Variants in IKBKB observed in about 807,000 individuals in gnomAD.
IKBKB encodes inhibitor of nuclear factor kappa-B kinase subunit beta.
IKBKB carries 42 observed loss-of-function variants against 113.6 expected under a neutral mutation model. The observed-to-expected ratio is 0.37, with a 90% confidence interval of 0.29 to 0.48. IKBKB has a LOEUF of 0.48. Among genes scored for constraint, IKBKB ranks in the 20% least tolerant of loss-of-function variants. The pLI is 0.99. For missense variants in IKBKB, 673 were observed against 939.7 expected (o/e 0.72, Z 3.71); for synonymous variants, 296 against 361.3 (o/e 0.82, Z 2.05).
chr8:42,308,755 C>G, intron 7 of IKBKB, 146 bp from the exon 8 acceptor site: 1 of 694,594 alleles, frequency 1.4e-6, no homozygotes, highest in Non-Finnish European at 2.5e-6. Context: ...GCTAAACATG[C>G]CTGGGGTGCC....
intron 2 of IKBKB, among the ~76,000 whole-genome samples, chr8:42,286,480 T>TTTTTTG (rs970188209): frequency 1.1e-4 from 16 of 152,244 alleles, no homozygotes; most frequent in South Asian, 6.2e-4. Context: ...CTGTGTGTCT[T>TTTTTTG]TTTTTGTTTT....
At chr8:42,284,599 A>T (rs1260370216) in intron 2 of IKBKB, among the ~76,000 whole-genome samples, 2 of 151,114 alleles carry the variant, frequency 1.3e-5, no homozygotes, top group Admixed American at 6.6e-5. Context: ...AAAAAAAAAT[A>T]CCGAGGTGAT....
intron 5 of IKBKB, among the ~76,000 whole-genome samples, chr8:42,294,681 A>G (rs552775649): frequency 6.6e-6 from 1 of 152,364 alleles, no homozygotes; most frequent in South Asian, 2.1e-4. Context: ...GTTCACATGG[A>G]GGATACGTTG....
chr8:42,292,533 G>A (rs913963174), intron 4 of IKBKB, among the ~76,000 whole-genome samples: 5 of 152,162 alleles, frequency 3.3e-5, no homozygotes, highest in African/African-American at 7.2e-5. Context: ...TAATACACCC[G>A]TGGGCATGGA....
In IKBKB at chr8:42,312,489, A is replaced by T. The variant is rs565223114; in HGVS notation, c.693-1833A>T. Among the ~76,000 whole-genome samples the T allele has an allele frequency of 2.6e-5, 4 of 152,326 alleles. No individual in the cohort carries two copies. The East Asian group carries it at 7.7e-4, about 29-fold the overall frequency. ...TAATGCTTTGGGAAACTTTTAAAAA[A>T]TTTCACTATCTTATCTCAGATGGCA... On this transcript the variant is annotated intron_variant, in intron 8 of 21. Coordinates refer to ENST00000520810, the MANE Select transcript of IKBKB (RefSeq NM_001556.3).
Position 42,308,882 on chromosome 8 carries a change from C to A in IKBKB, c.568-19C>A, listed in dbSNP as rs200334885. 2.7e-4 allele frequency: 435 copies of A among 1,612,400 alleles called. 3 individuals are homozygous for A. The highest frequency in any genetic ancestry group is 1.2e-3 in the Middle Eastern group (7 of 6,056). On this transcript the variant is annotated intron_variant, in intron 7 of 21. Coordinates refer to ENST00000520810, the MANE Select transcript of IKBKB (RefSeq NM_001556.3). ...CCCAGAGAGGAGCAGCTCAGGTGTACCCCCTCCTGTTGCTGCAGGCCCCAG... is the reference window on the plus strand; with the variant it reads ...CCCAGAGAGGAGCAGCTCAGGTGTAACCCCTCCTGTTGCTGCAGGCCCCAG...
intron 2 of IKBKB, among the ~76,000 whole-genome samples, chr8:42,274,978 G>A (rs1009996309): frequency 2.0e-4 from 30 of 151,852 alleles, no homozygotes; most frequent in Non-Finnish European, 4.1e-4. Context: ...CCAGGTTCAA[G>A]CGATTCTCCA....
intron 7 of IKBKB, 89 bp from the exon 8 acceptor site, chr8:42,308,812 G>A: frequency 7.7e-7 from 1 of 1,307,082 alleles, no homozygotes; most frequent in Admixed American, 1.9e-5. Flanking sequence ...GATGAAGCCA[G>A]GGGTGAAAGC....
chr8:42,312,032 G>A (rs990876717), intron 8 of IKBKB, among the ~76,000 whole-genome samples: 6 of 152,008 alleles, frequency 3.9e-5, no homozygotes, highest in African/African-American at 7.2e-5. Context: ...GACTACAGGC[G>A]CCCGCCACCA....
chr8:42,278,355 T>C (rs1309156888), intron 2 of IKBKB, among the ~76,000 whole-genome samples: 1 of 152,080 alleles, frequency 6.6e-6, no homozygotes, highest in African/African-American at 2.4e-5. Flanking sequence ...GAGGTTTTGT[T>C]TTGATGGAGG....
intron 20 of IKBKB, among the ~76,000 whole-genome samples, chr8:42,327,386 T>C (rs1023956853): frequency 7.1e-6 from 1 of 140,646 alleles, no homozygotes; most frequent in Non-Finnish European, 1.5e-5. Context: ...CAGGCTGGAG[T>C]GCAGTGGCGC....
intron 2 of IKBKB, among the ~76,000 whole-genome samples, chr8:42,276,351 G>T (rs902932363): frequency 6.6e-6 from 1 of 152,144 alleles, no homozygotes; most frequent in Non-Finnish European, 1.5e-5. Flanking sequence ...TAGTGATATT[G>T]AACATTTTAT....
At chr8:42,329,891 A>G in intron 21 of IKBKB, 1 of 985,440 alleles carries the variant, frequency 1.0e-6, no homozygotes, top group Non-Finnish European at 1.2e-6. Context: ...CCTGCTAATC[A>G]CTTGCTAACC....
intron 2 of IKBKB, among the ~76,000 whole-genome samples, chr8:42,275,128 C>T (rs752291654): frequency 6.6e-6 from 1 of 151,902 alleles, no homozygotes; most frequent in East Asian, 1.9e-4. Flanking sequence ...CTGCCTGCCT[C>T]GGCCTCCCAA....
At chr8:42,320,182 C>G (rs1052193447) in intron 15 of IKBKB, 1 of 157,136 alleles carries the variant, frequency 6.4e-6, no homozygotes, top group African/African-American at 2.4e-5. Flanking sequence ...CTCTGTTTTC[C>G]CCTGTGTACT....
At chr8:42,299,672 G>A (rs1040892549) in intron 5 of IKBKB, among the ~76,000 whole-genome samples, 1 of 152,128 alleles carries the variant, frequency 6.6e-6, no homozygotes, top group South Asian at 2.1e-4. Context: ...GAACCTACCC[G>A]CCAGCCTCCG....
intron 19 of IKBKB, among the ~76,000 whole-genome samples, chr8:42,324,483 T>C (rs1356541578): frequency 6.6e-6 from 1 of 151,674 alleles, no homozygotes; most frequent in African/African-American, 2.4e-5. Context: ...CAGGCTGGTC[T>C]CGAACTGGCC....
intron 20 of IKBKB, among the ~76,000 whole-genome samples, chr8:42,328,550 C>T (rs916040208): frequency 5.3e-5 from 8 of 152,308 alleles, no homozygotes; most frequent in African/African-American, 1.9e-4. Context: ...GGATGTCTCT[C>T]GTCTCCCCAC....
intron 5 of IKBKB, among the ~76,000 whole-genome samples, chr8:42,298,920 C>T (rs1395364350): frequency 6.6e-6 from 1 of 152,140 alleles, no homozygotes; most frequent in Non-Finnish European, 1.5e-5. Context: ...CCCCTGCATT[C>T]GCCTGTCCGT....
Sources: allele counts gnomAD v4.1 joint callset (sites outside exome capture counted in the v4.1 genomes callset), GRCh38; gene constraint gnomAD v4.1.1; transcripts MANE v1.5; gene names NCBI Gene and HGNC (gene_info 2026-07-23, HGNC 2026-07-21).